The following LPA variants were observed in gnomAD, a reference collection of about 807,000 sequenced individuals.
LPA encodes the protein lipoprotein(a).
LPA carries 199 observed loss-of-function variants against 197.9 expected under a neutral mutation model. The ratio of observed to expected loss-of-function variants is 1.01; its 90% CI spans 0.90 to 1.13. The LOEUF (loss-of-function observed/expected upper bound fraction) is 1.13. Among genes scored for constraint, LPA ranks in the 50% most tolerant of loss-of-function variants. The pLI is 0.00. For missense variants in LPA, 1,853 were observed against 1,785.8 expected (o/e 1.04, Z -0.68); for synonymous variants, 715 against 639.5 (o/e 1.12, Z -1.78).
chr6:160,578,491 A>G, intron 27 of LPA, 32 bp downstream of exon 27: 5 of 1,612,246 alleles, frequency 3.1e-6, no homozygotes, highest in Non-Finnish European at 4.2e-6. Flanking sequence ...TTTTCATCCC[A>G]GTATATAGAT....
chr6:160,615,364 G>GTGTC (rs1356364740), intron 14 of LPA, among the ~76,000 whole-genome samples: 1 of 137,288 alleles, frequency 7.3e-6, no homozygotes, highest in Non-Finnish European at 1.6e-5. Flanking sequence ...GTGTGTGTGT[G>GTGTC]TGTGTGTGTG....
At chr6:160,580,284 A>G (rs966900698) in intron 26 of LPA, among the ~76,000 whole-genome samples, 2 of 152,058 alleles carry the variant, frequency 1.3e-5, no homozygotes, top group Non-Finnish European at 2.9e-5. Context: ...TTTTGATGAA[A>G]CCATTTAAAT....
In LPA at chr6:160,635,957, T is replaced by G. The variant is rs865854170; in HGVS notation, c.894-653A>C. On this transcript the variant is annotated intron_variant, in intron 6 of 38. Coordinates refer to ENST00000316300, the MANE Select transcript of LPA (RefSeq NM_005577.4). ...CTTCTCAAAGCTGCCCTGGAAAACTTGCTCCCAGGCAGGATGCAGTATCTC... is the reference window on the plus strand; with the variant it reads ...CTTCTCAAAGCTGCCCTGGAAAACTGGCTCCCAGGCAGGATGCAGTATCTC... Among the ~76,000 whole-genome samples the G allele has an allele frequency of 3.2e-3, 148 of 46,102 alleles. 3 individuals carry two copies. Among genetic ancestry groups the G allele is most frequent in the South Asian group, 6.8e-3 (12 of 1,754 alleles). The allele number at this position is 46,102 out of a possible 152,430, so 30.2% of individuals were successfully genotyped here.
At chr6:160,560,974 A>G (rs1352961786) in intron 28 of LPA, among the ~76,000 whole-genome samples, 1 of 152,048 alleles carries the variant, frequency 6.6e-6, no homozygotes, top group Non-Finnish European at 1.5e-5. Context: ...CAGTGGCACA[A>G]TCTTGGCTTG....
At chr6:160,558,366 C>T (rs1359993203) in intron 28 of LPA, among the ~76,000 whole-genome samples, 1 of 152,164 alleles carries the variant, frequency 6.6e-6, no homozygotes, top group African/African-American at 2.4e-5. Flanking sequence ...CATTCCCAGG[C>T]CAGCCCCTTT....
chr6:160,660,595 C>T (rs1780207875), intron 1 of LPA, among the ~76,000 whole-genome samples: 1 of 152,124 alleles, frequency 6.6e-6, no homozygotes, highest in African/African-American at 2.4e-5. Context: ...CCTTGGAGGC[C>T]ATTGTTTGAT....
chr6:160,568,890 A>G (rs931349934), intron 28 of LPA, among the ~76,000 whole-genome samples: 7 of 152,226 alleles, frequency 4.6e-5, no homozygotes, highest in Non-Finnish European at 8.8e-5. Flanking sequence ...CAATTGCTTC[A>G]AAGAGAATAA....
At chr6:160,655,105 C>T (rs997413900) in intron 1 of LPA, among the ~76,000 whole-genome samples, 1 of 152,210 alleles carries the variant, frequency 6.6e-6, no homozygotes, top group Non-Finnish European at 1.5e-5. Context: ...GCTGTGCTGA[C>T]CCACTTCATG....
chr6:160,585,199 G>T lies in LPA; in HGVS notation c.4136C>A (p.Thr1379Asn), dbSNP rs1346718612. The change falls in exon 26 of 39, where the codon ACT (threonine) becomes AAT (asparagine). Residue 1379 changes from threonine to asparagine, a missense_variant. Thr to Asn is a moderately conservative substitution (Grantham distance 65). This residue lies in a region of LPA where 1,737 missense variants were observed against 1,504.4 expected (regional missense o/e 1.15). Coordinates refer to ENST00000316300, the MANE Select transcript of LPA (RefSeq NM_005577.4). ...STELPSEEAP[T>N]ENSTGVQDCY... is the part of the protein sequence containing the mutation. ...GTCCTGGACCCCAGTGCTGTTTTCAGTTGGTGCTGAAATTAAAAGAGAAAA... is the reference window on the plus strand; with the variant it reads ...GTCCTGGACCCCAGTGCTGTTTTCATTTGGTGCTGAAATTAAAAGAGAAAA... 3 of 1,613,624 alleles carry T rather than the reference G, an allele frequency of 1.9e-6. No homozygotes were observed. The South Asian group carries it at 3.3e-5, about 18-fold the overall frequency.
At position 160,584,294 on chromosome 6, in the gene LPA, CTCT is replaced by C. The variant is rs1401104365; in HGVS notation, c.4289+749_4289+751del. On this transcript the variant is annotated intron_variant, in intron 26 of 38. Transcript: ENST00000316300. The stretch of plus-strand genomic sequence containing the variant: ...CCTCTTCTTCTTCTTCTTCTTCTTC[CTCT>C]TCTTCTTCTTCCTCTTCTTCTTTTC... Among the ~76,000 whole-genome samples the C allele has an allele frequency of 5.4e-4, 44 of 81,822 alleles. 1 individual carries two copies. The Middle Eastern group carries it at 0.057, about 105-fold the overall frequency. 53.7% of individuals were successfully genotyped at this position (81,822 alleles called of 152,430 possible).
intron 1 of LPA, among the ~76,000 whole-genome samples, chr6:160,661,159 G>A (rs570270688): frequency 7.8e-6 from 1 of 128,628 alleles, no homozygotes; most frequent in East Asian, 2.0e-4. Context: ...GGCACAAAAT[G>A]TAGTGATTTT....
intron 19 of LPA, among the ~76,000 whole-genome samples, chr6:160,600,651 G>C (rs1184867747): frequency 6.6e-6 from 1 of 152,154 alleles, no homozygotes; most frequent in African/African-American, 2.4e-5. Context: ...AGGACAATGA[G>C]ATAGCCCCTT....
rs542784601 is a variant in LPA, at chr6:160,538,646, G to A, written c.5736-685C>T. 2.6e-5 allele frequency among the ~76,000 whole-genome samples: 4 copies of A among 152,234 alleles called. No homozygotes were observed. In the South Asian group the frequency reaches 6.2e-4, roughly 24 times the overall value. On this transcript the variant is annotated intron_variant, in intron 36 of 38. Coordinates refer to ENST00000316300, the MANE Select transcript of LPA (RefSeq NM_005577.4). ...TAAAGGAATGGAAATGAGAAATGCC[G>A]TATTCTGACCAAAAATCATCATTAG...
At position 160,537,803 on chromosome 6, in the gene LPA, T is replaced by C. The variant is rs1166203320; in HGVS notation, c.5842+52A>G. On this transcript the variant is annotated intron_variant, in intron 37 of 38. Transcript: ENST00000316300. ...TCTCCAAAATGCTCATTTTGTAACA[T>C]GCACTGAAGGTCAAAAACAATTTGT... The C allele has an allele frequency of 2.7e-6, 4 of 1,498,366 alleles. No individual in the cohort carries two copies. In the African/African-American group the frequency reaches 4.1e-5, roughly 15 times the overall value. The allele number at this position is 1,498,366 out of a possible 1,614,324, so 92.8% of individuals were successfully genotyped here. A position where few individuals can be genotyped will look rare whatever the true frequency, so the allele number is the denominator to read the frequency against.
intron 32 of LPA, among the ~76,000 whole-genome samples, chr6:160,546,967 G>A (rs1384489401): frequency 6.6e-6 from 1 of 152,148 alleles, no homozygotes; most frequent in Admixed American, 6.5e-5. Flanking sequence ...CCTCATAGAG[G>A]GCATCTCTGA....
At chr6:160,611,357 T>A (rs1779511176) in intron 16 of LPA, among the ~76,000 whole-genome samples, 1 of 152,046 alleles carries the variant, frequency 6.6e-6, no homozygotes, top group Non-Finnish European at 1.5e-5. Flanking sequence ...TCCCTTCTGC[T>A]CCACAAAACT....
intron 29 of LPA, among the ~76,000 whole-genome samples, chr6:160,556,625 T>C (rs539041666): frequency 6.6e-6 from 1 of 152,272 alleles, no homozygotes; most frequent in Non-Finnish European, 1.5e-5. Flanking sequence ...AAGCTTCTGG[T>C]GGACGGGGCA....
intron 18 of LPA, among the ~76,000 whole-genome samples, chr6:160,602,269 A>G (rs936519520): frequency 3.9e-5 from 6 of 152,236 alleles, no homozygotes; most frequent in African/African-American, 1.4e-4. Context: ...AATTCTTATT[A>G]TATAATATCC....
intron 28 of LPA, among the ~76,000 whole-genome samples, chr6:160,576,390 GTATATATATATATA>G (rs140486548): frequency 2.2e-5 from 1 of 46,106 alleles, no homozygotes. Context: ...ATATATATAT[GTATATATATATATA>G]TATATATATA....
Sources: allele counts gnomAD v4.1 joint callset (sites outside exome capture counted in the v4.1 genomes callset), GRCh38; gene constraint gnomAD v4.1.1; regional missense constraint gnomAD v4.1.1; transcripts MANE v1.5; gene names NCBI Gene and HGNC (gene_info 2026-07-23, HGNC 2026-07-21).